Variants in SQOR observed in about 807,000 individuals in gnomAD.
SQOR encodes sulfide quinone oxidoreductase.
SQOR carries 39 observed loss-of-function variants against 48.6 expected under a neutral mutation model. The observed-to-expected ratio is 0.80, with a 90% CI of 0.62 to 1.05. SQOR has a LOEUF of 1.05. SQOR is among the 50% of genes least tolerant of loss of function. The probability of loss-of-function intolerance (pLI) is 0.00; values close to 1 mark genes in which losing one functional copy is unlikely to be tolerated. For missense variants in SQOR, 561 were observed against 559.9 expected, an observed-to-expected ratio of 1.00 and a Z score of -0.02; for synonymous variants, 220 against 206.2, an observed-to-expected ratio of 1.07 and a Z score of -0.57.
chr15:45,653,916 A>G (rs1175355253), intron 1 of SQOR, among the ~76,000 whole-genome samples: 1 of 152,058 alleles, frequency 6.6e-6, no homozygotes, highest in Non-Finnish European at 1.5e-5. Context: ...CGGGCAGATT[A>G]CATGAGGCCA....
At chr15:45,685,176 T>C (rs1845741133) in intron 7 of SQOR, among the ~76,000 whole-genome samples, 1 of 152,202 alleles carries the variant, frequency 6.6e-6, no homozygotes. Flanking sequence ...AAGCTAATAT[T>C]TCACCTGTGT....
intron 5 of SQOR, 135 bp from the exon 6 acceptor site, chr15:45,675,966 A>G (rs925676774): frequency 6.2e-6 from 5 of 803,856 alleles, no homozygotes; most frequent in Non-Finnish European, 1.0e-5. Flanking sequence ...TGGTCTACCC[A>G]TTGCTCTGCC....
rs190081511 is a variant in SQOR at position 45,677,724 on chromosome 15, G to A, written c.864+1414G>A. Among the ~76,000 whole-genome samples the A allele has an allele frequency of 6.0e-4, 91 of 152,204 alleles. 1 individual carries two copies. The East Asian group carries it at 0.016, about 26-fold the overall frequency. ...TTATTTATTTATTTATTTTTGAGAC[G>A]AAGTCTCGCTGTGTTACCCAGGCTG... On this transcript the variant is annotated intron_variant, in intron 6 of 9. Coordinates refer to ENST00000260324, the MANE Select transcript of SQOR (RefSeq NM_021199.4).
chr15:45,639,640 G>A lies in SQOR; in HGVS notation c.-18+4532G>A, dbSNP rs542359822. On this transcript the variant is annotated intron_variant, in intron 1 of 9. Coordinates refer to ENST00000260324, the MANE Select transcript of SQOR (RefSeq NM_021199.4). ...AACTTTCTTATATCTTTGGCTATTT[G>A]TTCTAAGGTAGCCCATGATGTCTCC... is the stretch of plus-strand genomic sequence containing the variant. Among the ~76,000 whole-genome samples the A allele has an allele frequency of 2.0e-5, 3 of 152,310 alleles. No individual in the cohort carries two copies. The South Asian group carries it at 6.2e-4, about 32-fold the overall frequency.
chr15:45,675,625 C>G (rs1225915168), intron 5 of SQOR, among the ~76,000 whole-genome samples: 1 of 152,036 alleles, frequency 6.6e-6, no homozygotes, highest in Non-Finnish European at 1.5e-5. Context: ...GTCTGGAACT[C>G]CTGACGTCAG....
chr15:45,672,656 G>A (rs1889965464), intron 4 of SQOR, among the ~76,000 whole-genome samples: 2 of 152,118 alleles, frequency 1.3e-5, no homozygotes, highest in Non-Finnish European at 2.9e-5. Flanking sequence ...GAGAACTGAG[G>A]CTTAAGTCTC....
intron 1 of SQOR, among the ~76,000 whole-genome samples, chr15:45,646,174 T>C (rs1459881549): frequency 2.0e-5 from 3 of 152,178 alleles, no homozygotes; most frequent in Non-Finnish European, 4.4e-5. Flanking sequence ...CCGGCCCCTC[T>C]AGGAGACAGC....
Position 45,676,236 on chromosome 15 carries a change from ATT to A in SQOR, c.791_792del (p.Ile264ArgfsTer6). The part of the protein sequence containing the change: ...NLTVNYKKNL[I>X]EVRADKQEAV... The stretch of plus-strand genomic sequence containing the variant: ...CACTGTTAACTACAAGAAAAACCTC[ATT>A]GAAGTCCGAGCCGATAAACAAGAGG... On this transcript the variant is annotated frameshift_variant, in exon 6 of 10. Coordinates refer to ENST00000260324, the MANE Select transcript of SQOR (RefSeq NM_021199.4). LOFTEE classifies it high-confidence loss of function. 2 of 1,614,138 alleles carry A rather than the reference ATT, an allele frequency of 1.2e-6. No homozygotes were observed. The highest frequency in any genetic ancestry group is 4.5e-5 in the East Asian group (2 of 44,884).
chr15:45,640,328 A>G (rs1216314414), intron 1 of SQOR, among the ~76,000 whole-genome samples: 1 of 152,254 alleles, frequency 6.6e-6, no homozygotes, highest in Admixed American at 6.5e-5. Context: ...ATGCCACCCA[A>G]TCTGATCCTT....
intron 6 of SQOR, 33 bp from the exon 7 acceptor site, chr15:45,682,445 A>C: frequency 6.2e-7 from 1 of 1,611,242 alleles, no homozygotes. Context: ...AATATTGAAT[A>C]AATGAAAATG....
At chr15:45,688,804 C>T (rs544334429) in intron 8 of SQOR, among the ~76,000 whole-genome samples, 10 of 152,090 alleles carry the variant, frequency 6.6e-5, no homozygotes, top group Admixed American at 2.6e-4. Context: ...TGAGCCACCG[C>T]GCCTGGCCCA....
At chr15:45,686,151 T>A (rs1050695735) in intron 7 of SQOR, among the ~76,000 whole-genome samples, 41 of 120,286 alleles carry the variant, frequency 3.4e-4, no homozygotes, top group Non-Finnish European at 6.4e-4. Context: ...TGGCCTCATT[T>A]AATATATATA....
chr15:45,676,475 G>A (rs1397554396), intron 6 of SQOR, among the ~76,000 whole-genome samples, 165 bp downstream of exon 6: 1 of 152,200 alleles, frequency 6.6e-6, no homozygotes, highest in African/African-American at 2.4e-5. Flanking sequence ...GGCCAAAATG[G>A]TTGGGGAAGA....
chr15:45,661,933 C>A, intron 2 of SQOR, 22 bp from the exon 3 acceptor site: 3 of 1,609,104 alleles, frequency 1.9e-6, no homozygotes, highest in Non-Finnish European at 2.5e-6. Context: ...TGCAATAAAT[C>A]TTCAAATACT....
At chr15:45,669,131 A>G (rs1035289927) in intron 3 of SQOR, among the ~76,000 whole-genome samples, 1 of 148,768 alleles carries the variant, frequency 6.7e-6, no homozygotes, top group Non-Finnish European at 1.5e-5. Flanking sequence ...TTAATATACA[A>G]TATACTAATA....
At position 45,635,112 on chromosome 15, in the gene SQOR, A is replaced by G. The variant is rs1198833070; in HGVS notation, c.-18+4A>G. The G allele has an allele frequency of 6.6e-6, 1 of 152,400 alleles. No homozygotes were observed. Among genetic ancestry groups the G allele is most frequent in the African/African-American group, 2.4e-5 (1 of 41,462 alleles). 9.4% of individuals were successfully genotyped at this position (152,400 alleles called of 1,614,324 possible). On this transcript the variant is annotated splice_donor_region_variant and intron_variant, in intron 1 of 9. Transcript: ENST00000260324. Reference sequence around the variant, plus strand: ...CGAAGGCTCCGCTCACGCCCGGGTAAGAGGCATCCGCGGCCGATCTTTGGC... The same window carrying G: ...CGAAGGCTCCGCTCACGCCCGGGTAGGAGGCATCCGCGGCCGATCTTTGGC...
chr15:45,687,707 C>T (rs535973558), intron 7 of SQOR, among the ~76,000 whole-genome samples: 146 of 152,042 alleles, frequency 9.6e-4, no homozygotes, highest in Middle Eastern at 3.4e-3. Context: ...AAACAAATCC[C>T]GATGTATGTA....
intron 1 of SQOR, among the ~76,000 whole-genome samples, chr15:45,652,427 C>A (rs548470285): frequency 6.6e-6 from 1 of 152,120 alleles, no homozygotes; most frequent in African/African-American, 2.4e-5. Flanking sequence ...CACCACCTCC[C>A]AGGTTGAAGC....
chr15:45,669,823 C>T (rs1055354474), intron 3 of SQOR, 105 bp from the exon 4 acceptor site: 1 of 923,664 alleles, frequency 1.1e-6, no homozygotes, highest in Admixed American at 1.8e-5. Context: ...AATAATATTT[C>T]CCTGCCTCCC....
Sources: gnomAD v4.1 joint callset for allele counts (sites outside exome capture counted in the v4.1 genomes callset) on GRCh38, gnomAD v4.1.1 for gene constraint, MANE v1.5 for transcripts, NCBI Gene and HGNC (gene_info 2026-07-23, HGNC 2026-07-21) for gene names.